Variants in NRG3 observed in about 807,000 individuals in gnomAD.
NRG3 encodes the protein pro-neuregulin-3, membrane-bound isoform.
Under a neutral mutation model 66.9 loss-of-function variants are expected in NRG3, and 31 were observed. The observed-to-expected ratio is 0.46, with a 90% CI of 0.35 to 0.63. The LOEUF (loss-of-function observed/expected upper bound fraction) is 0.63. Ranked by LOEUF, NRG3 falls within the 20% of genes least tolerant of loss-of-function variation. The probability of loss-of-function intolerance (pLI) is 0.00; values close to 1 mark genes in which losing one functional copy is unlikely to be tolerated. For synonymous variants in NRG3, 393 were observed against 359.4 expected (o/e 1.09, Z -1.06); for missense variants, 910 against 878.9 (o/e 1.04, Z -0.45).
intron 1 of NRG3, among the ~76,000 whole-genome samples, chr10:82,328,991 A>C (rs1352153237): frequency 6.6e-6 from 1 of 152,216 alleles, no homozygotes. Flanking sequence ...GTTCATGCCA[A>C]CTATATATTT....
At chr10:82,442,377 A>C (rs2136455106) in intron 2 of NRG3, among the ~76,000 whole-genome samples, 1 of 152,320 alleles carries the variant, frequency 6.6e-6, no homozygotes, top group Non-Finnish European at 1.5e-5. Flanking sequence ...ACTCATAGAA[A>C]GTTCTTTGGC....
chr10:82,943,049 C>G (rs919100304), intron 4 of NRG3, among the ~76,000 whole-genome samples: 14 of 152,082 alleles, frequency 9.2e-5, no homozygotes, highest in Non-Finnish European at 1.6e-4. Flanking sequence ...TAGCAAGTCA[C>G]TGACTGCCTG....
intron 4 of NRG3, among the ~76,000 whole-genome samples, chr10:82,922,111 C>A (rs555985607): frequency 1.3e-5 from 2 of 152,006 alleles, no homozygotes; most frequent in African/African-American, 2.4e-5. Context: ...CGCCACCTCT[C>A]TATATATATA....
At chr10:82,188,749 T>C (rs2073961833) in intron 1 of NRG3, among the ~76,000 whole-genome samples, 1 of 151,874 alleles carries the variant, frequency 6.6e-6, no homozygotes, top group Non-Finnish European at 1.5e-5. Context: ...AAAACTACAA[T>C]GAGATAGAAG....
intron 2 of NRG3, among the ~76,000 whole-genome samples, chr10:82,643,247 G>A (rs893551110): frequency 1.3e-5 from 2 of 151,974 alleles, no homozygotes; most frequent in African/African-American, 4.8e-5. Flanking sequence ...GGGCCAGGGG[G>A]GTGGTTTCCT....
At chr10:82,620,469 G>C (rs542540097) in intron 2 of NRG3, among the ~76,000 whole-genome samples, 29 of 152,082 alleles carry the variant, frequency 1.9e-4, no homozygotes, top group Non-Finnish European at 4.0e-4. Context: ...TCTCCGGCTG[G>C]CTCTTCCCCA....
intron 2 of NRG3, among the ~76,000 whole-genome samples, chr10:82,733,016 A>AT (rs1215318703): frequency 2.0e-5 from 3 of 152,356 alleles, no homozygotes; most frequent in Non-Finnish European, 4.4e-5. Context: ...AGTAAAGGCC[A>AT]TTTTTTTTCC....
chr10:82,052,499 G>A (rs2063650542), intron 1 of NRG3, among the ~76,000 whole-genome samples: 1 of 152,062 alleles, frequency 6.6e-6, no homozygotes, highest in Admixed American at 6.6e-5. Flanking sequence ...ATTACCTCTG[G>A]GAATCTCAAA....
chr10:81,922,019 A>T (rs1256098777), intron 1 of NRG3, among the ~76,000 whole-genome samples: 2 of 152,066 alleles, frequency 1.3e-5, no homozygotes, highest in Non-Finnish European at 2.9e-5. Flanking sequence ...TTTGCATTTT[A>T]TCCTTGTCTC....
chr10:82,624,783 G>T (rs1026920446), intron 2 of NRG3, among the ~76,000 whole-genome samples: 2 of 147,644 alleles, frequency 1.4e-5, no homozygotes, highest in African/African-American at 2.5e-5. Context: ...CCAGGTTGGT[G>T]CTTTTTAATG....
intron 1 of NRG3, among the ~76,000 whole-genome samples, chr10:82,286,087 T>C (rs2079402019): frequency 6.6e-6 from 1 of 152,146 alleles, no homozygotes; most frequent in Admixed American, 6.6e-5. Flanking sequence ...CACCTGTGTG[T>C]TCAGTTTTTT....
chr10:82,907,343 A>G (rs577100083), intron 4 of NRG3, among the ~76,000 whole-genome samples: 57 of 152,194 alleles, frequency 3.7e-4, no homozygotes, highest in Non-Finnish European at 1.2e-4. Context: ...AGTTGAAGCT[A>G]TATTATGATT....
intron 1 of NRG3, among the ~76,000 whole-genome samples, chr10:82,129,831 G>T (rs2068694744): frequency 1.3e-5 from 2 of 152,066 alleles, no homozygotes; most frequent in Non-Finnish European, 2.9e-5. Context: ...AAAGTGCTGG[G>T]ATTACAGGTG....
At chr10:82,035,156 A>G (rs748188807) in intron 1 of NRG3, among the ~76,000 whole-genome samples, 17 of 152,100 alleles carry the variant, frequency 1.1e-4, no homozygotes, top group Non-Finnish European at 1.8e-4. Flanking sequence ...CCAGAATCCA[A>G]TACAGCTTCA....
intron 1 of NRG3, among the ~76,000 whole-genome samples, chr10:82,123,658 A>G (rs2132399510): frequency 6.6e-6 from 1 of 152,324 alleles, no homozygotes; most frequent in East Asian, 1.9e-4. Flanking sequence ...AGTTCATCCA[A>G]AATTCTGTTC....
chr10:82,471,429 T>C (rs1341908606), intron 2 of NRG3, among the ~76,000 whole-genome samples: 1 of 152,152 alleles, frequency 6.6e-6, no homozygotes, highest in Admixed American at 6.5e-5. Flanking sequence ...ACCTGAACTA[T>C]TGAGAGATCA....
intron 2 of NRG3, among the ~76,000 whole-genome samples, chr10:82,558,984 C>T (rs566704561): frequency 1.3e-5 from 2 of 152,250 alleles, no homozygotes; most frequent in African/African-American, 4.8e-5. Flanking sequence ...TTCAAAATCA[C>T]ATGAAATTAT....
intron 2 of NRG3, among the ~76,000 whole-genome samples, chr10:82,682,264 T>A (rs1565197914): frequency 6.6e-6 from 1 of 152,192 alleles, no homozygotes; most frequent in Non-Finnish European, 1.5e-5. Flanking sequence ...CCTTGTCACA[T>A]GCACATTGTC....
chr10:82,472,460 A>C (rs1165367232), intron 2 of NRG3, among the ~76,000 whole-genome samples: 1 of 152,246 alleles, frequency 6.6e-6, no homozygotes, highest in Admixed American at 6.5e-5. Flanking sequence ...GCTGATTTCC[A>C]ATAGCTCTTC....
Sources: gnomAD v4.1 joint callset for allele counts (sites outside exome capture counted in the v4.1 genomes callset) on GRCh38, gnomAD v4.1.1 for gene constraint, MANE v1.5 for transcripts, NCBI Gene and HGNC (gene_info 2026-07-23, HGNC 2026-07-21) for gene names.